ZXDC: variants seen among roughly 807,000 people sequenced by gnomAD.
ZXDC encodes the protein ZXD family zinc finger C.
ZXDC carries 58 observed loss-of-function variants against 63.6 expected under a neutral mutation model. The observed-to-expected ratio is 0.91, with a 90% CI of 0.74 to 1.13. ZXDC has a LOEUF of 1.13. Ranked by LOEUF, ZXDC falls within the 50% of genes most tolerant of loss-of-function variation. The pLI is 0.00. For synonymous variants in ZXDC, 561 were observed against 496.1 expected (o/e 1.13, Z -1.74); for missense variants, 1,133 against 1,148.9 (o/e 0.99, Z 0.20).
In ZXDC at chr3:126,439,328, A is replaced by C. The variant is rs545398994; in HGVS notation, c.2490+304T>G. 2.5e-4 allele frequency among the ~76,000 whole-genome samples: 38 copies of C among 152,346 alleles called. 1 individual carries two copies. Among genetic ancestry groups the C allele is most frequent in the African/African-American group, 8.9e-4 (37 of 41,580 alleles). Reference sequence around the variant, plus strand: ...TGAATTCATCCGAGTCTATTCTCCCACAGGCTGGGCCCTGGCCAGCCCTCT... The same window carrying C: ...TGAATTCATCCGAGTCTATTCTCCCCCAGGCTGGGCCCTGGCCAGCCCTCT... On this transcript the variant is annotated intron_variant, in intron 9 of 9. Coordinates refer to ENST00000389709, the MANE Select transcript of ZXDC (RefSeq NM_025112.5).
intron 4 of ZXDC, 150 bp from the exon 5 acceptor site, chr3:126,466,475 C>T (rs750513973): frequency 8.7e-6 from 7 of 804,652 alleles, no homozygotes; most frequent in Non-Finnish European, 1.2e-5. Context: ...CTAGAAGTAG[C>T]ATCACAAGCA....
At chr3:126,452,134 G>A (rs1025602264) in intron 7 of ZXDC, 17 of 985,270 alleles carry the variant, frequency 1.7e-5, no homozygotes, top group East Asian at 2.3e-4. Flanking sequence ...TGCCCAGTGC[G>A]CTGGATCCTG....
rs1423539682 is a variant in ZXDC, at chr3:126,438,100, G to C, written c.*275C>G. ...ACAGCTCAGATCCAACGGGACACGG[G>C]GAAAGAGGCTGTAGTGCACCTAGCC... On this transcript the variant is annotated 3_prime_UTR_variant, in exon 10 of 10. Transcript: ENST00000389709. 2 of 519,258 alleles carry C rather than the reference G, an allele frequency of 3.9e-6. No individual in the cohort carries two copies. Among genetic ancestry groups the C allele is most frequent in the Non-Finnish European group, 7.0e-6 (2 of 287,348 alleles). 32.2% of individuals were successfully genotyped at this position (519,258 alleles called of 1,614,324 possible). A position where few individuals can be genotyped will look rare whatever the true frequency, so the allele number is the denominator to read the frequency against.
Position 126,461,937 on chromosome 3 carries a change from G to A in ZXDC, c.1725C>T (p.Pro575=). The A allele has an allele frequency of 6.2e-7, 1 of 1,614,170 alleles. No homozygotes were observed. Among genetic ancestry groups the A allele is most frequent in the African/African-American group, 1.3e-5 (1 of 75,042 alleles). ...GAACCAGAGGGCTGTCCAGGCTTGGGGGAATATCACTGTGGGCCACCAGGA... is the reference window on the plus strand; with the variant it reads ...GAACCAGAGGGCTGTCCAGGCTTGGAGGAATATCACTGTGGGCCACCAGGA... ...PLVLVAHSDI[P]PSLDSPLVLG... The change falls in exon 6 of 10, where the codon CCC becomes CCT. Residue 575 remains proline, a synonymous_variant. Coordinates refer to ENST00000389709, the MANE Select transcript of ZXDC (RefSeq NM_025112.5).
rs779412310 is a variant in ZXDC at position 126,438,354 on chromosome 3, C to T, written c.*21G>A. 1 of 1,601,958 alleles carries T rather than the reference C, an allele frequency of 6.2e-7. No individual in the cohort carries two copies. The highest frequency in any genetic ancestry group is 1.1e-5 in the South Asian group (1 of 89,174). On this transcript the variant is annotated 3_prime_UTR_variant, in exon 10 of 10. Transcript: ENST00000389709. ...TGTGTCCTAGACCGTGGCCTTGGGC[C>T]TGCCCAGGCCGAGGCTGCCGTCACT...
In ZXDC at chr3:126,472,274, G is replaced by A. The variant is rs773550030; in HGVS notation, c.939C>T (p.Ala313=). 3.1e-6 allele frequency: 5 copies of A among 1,611,790 alleles called. No homozygotes were observed. In the African/African-American group the frequency reaches 6.7e-5, roughly 22 times the overall value. The change falls in exon 2 of 10, where the codon GCC becomes GCT. Residue 313 remains alanine, a synonymous_variant. Coordinates refer to ENST00000389709, the MANE Select transcript of ZXDC (RefSeq NM_025112.5). ...AGTGGGCTCGGTTATGGGAAAACAG[G>A]GCACTCACTGTGATAAATGTCTTCT... ...GCEKTFITVS[A]LFSHNRAHFR...
At chr3:126,472,434 C>G (rs1014128815) in intron 1 of ZXDC, 129 bp from the exon 2 acceptor site, 49 of 1,175,328 alleles carry the variant, frequency 4.2e-5, no homozygotes, top group African/African-American at 6.1e-5. Flanking sequence ...CAGAAGCACT[C>G]TCTAAAAAGG....
In ZXDC at chr3:126,471,865, T is replaced by C. The variant is rs368158778; in HGVS notation, c.1139+108A>G. On this transcript the variant is annotated intron_variant, in intron 3 of 9. Coordinates refer to ENST00000389709, the MANE Select transcript of ZXDC (RefSeq NM_025112.5). Reference sequence around the variant, plus strand: ...TCCAAATCATCAACACTGAGCTCCTTTTTTAACAACTTAAAAAATGTCTAC... The same window carrying C: ...TCCAAATCATCAACACTGAGCTCCTCTTTTAACAACTTAAAAAATGTCTAC... 1.9e-4 allele frequency: 190 copies of C among 1,023,076 alleles called. No homozygotes were observed. The East Asian group carries it at 3.4e-3, about 18-fold the overall frequency. 63.4% of individuals were successfully genotyped at this position (1,023,076 alleles called of 1,614,324 possible). A position where few individuals can be genotyped will look rare whatever the true frequency, so the allele number is the denominator to read the frequency against.
intron 4 of ZXDC, among the ~76,000 whole-genome samples, chr3:126,467,193 A>G (rs1343301128): frequency 6.6e-6 from 1 of 152,146 alleles, no homozygotes; most frequent in Admixed American, 6.5e-5. Context: ...GCCACCCTGC[A>G]GCAGAGCAGA....
chr3:126,475,707 C>T lies in ZXDC; in HGVS notation c.159G>A (p.Ala53=). The change falls in exon 1 of 10, where the codon GCG becomes GCA. Residue 53 remains alanine, a synonymous_variant. Coordinates refer to ENST00000389709, the MANE Select transcript of ZXDC (RefSeq NM_025112.5). The stretch of plus-strand genomic sequence containing the variant: ...TTGGCCCGGAGGCCTCCCCGGGCCG[C>T]GCCCCGGGCCCGCCATCTTCAGGGC... ...VRGPEDGGPG[A]RPGEASGPSP... is the part of the protein sequence containing the mutation. The T allele has an allele frequency of 1.6e-6, 2 of 1,285,376 alleles. No homozygotes were observed. The highest frequency in any genetic ancestry group is 2.0e-6 in the Non-Finnish European group (2 of 1,017,772). The allele number at this position is 1,285,376 out of a possible 1,614,324, so 79.6% of individuals were successfully genotyped here.
intron 7 of ZXDC, among the ~76,000 whole-genome samples, chr3:126,448,057 G>A (rs1933947931): frequency 6.6e-6 from 1 of 151,658 alleles, no homozygotes; most frequent in African/African-American, 2.4e-5. Context: ...CATCCAGAAA[G>A]GTGGGGACAC....
chr3:126,442,069 G>T, intron 7 of ZXDC, 123 bp from the exon 8 acceptor site: 1 of 1,166,412 alleles, frequency 8.6e-7, no homozygotes, highest in Non-Finnish European at 1.1e-6. Context: ...ACAGCTAAGA[G>T]ACGTAAAATC....
chr3:126,442,691 A>G (rs1319718978), intron 7 of ZXDC: 2 of 152,124 alleles, frequency 1.3e-5, no homozygotes, highest in African/African-American at 2.4e-5. Flanking sequence ...TTCATAGGAA[A>G]TATGTGATCA....
chr3:126,475,508 C>G lies in ZXDC; in HGVS notation c.358G>C (p.Gly120Arg). The change falls in exon 1 of 10, where the codon GGC (glycine) becomes CGC (arginine). Residue 120 changes from glycine (G) to arginine (R), a missense_variant. Transcript: ENST00000389709. Reference protein sequence around the residue: ...QGPSGPAAPPGPGVAPAGAVT... With the variant: ...QGPSGPAAPPRPGVAPAGAVT... ...GCGCCCGCCGGGGCTACGCCAGGGC[C>G]GGGGGGGGCGGCCGGGCCGCTGGGG... The G allele has an allele frequency of 8.0e-7, 1 of 1,243,754 alleles. No individual in the cohort carries two copies. Among genetic ancestry groups the G allele is most frequent in the Non-Finnish European group, 1.0e-6 (1 of 996,734 alleles). The allele number at this position is 1,243,754 out of a possible 1,614,324, so 77.0% of individuals were successfully genotyped here. A position where few individuals can be genotyped will look rare whatever the true frequency, so the allele number is the denominator to read the frequency against.
chr3:126,446,328 C>T (rs1301739170), intron 7 of ZXDC, among the ~76,000 whole-genome samples: 1 of 152,192 alleles, frequency 6.6e-6, no homozygotes. Flanking sequence ...AGGGCCCCGG[C>T]TTGGGAGCTG....
intron 4 of ZXDC, 76 bp from the exon 5 acceptor site, chr3:126,466,401 G>C (rs1461951792): frequency 1.3e-6 from 2 of 1,552,804 alleles, no homozygotes; most frequent in African/African-American, 2.7e-5. Context: ...TTCCCCATCA[G>C]ATCAGAACCA....
At chr3:126,451,304 C>A (rs745659734) in intron 7 of ZXDC, 21 of 985,382 alleles carry the variant, frequency 2.1e-5, no homozygotes, top group Non-Finnish European at 2.2e-5. Context: ...TCTCAACACA[C>A]CCACTTTTTC....
chr3:126,466,600 C>T (rs1934777585), intron 4 of ZXDC, among the ~76,000 whole-genome samples: 1 of 152,218 alleles, frequency 6.6e-6, no homozygotes, highest in South Asian at 2.1e-4. Context: ...GTTTCTTCAC[C>T]CACTACATGG....
chr3:126,470,475 A>T (rs1296307138), intron 4 of ZXDC, among the ~76,000 whole-genome samples: 1 of 152,190 alleles, frequency 6.6e-6, no homozygotes, highest in Non-Finnish European at 1.5e-5. Context: ...AAAATTAAAC[A>T]AAAAAAGAAA....
Sources: gnomAD v4.1 joint callset for allele counts (sites outside exome capture counted in the v4.1 genomes callset) on GRCh38, gnomAD v4.1.1 for gene constraint, MANE v1.5 for transcripts, NCBI Gene and HGNC (gene_info 2026-07-23, HGNC 2026-07-21) for gene names.